WWOX: variants seen among roughly 807,000 people sequenced by gnomAD.
WWOX encodes the protein WW domain-containing oxidoreductase.
Under a neutral mutation model 46.2 loss-of-function variants are expected in WWOX, and 69 were observed. That is an observed-to-expected ratio of 1.49 (90% CI 1.23 to 1.82). The LOEUF (loss-of-function observed/expected upper bound fraction) is 1.82, where lower values mean the gene tolerates loss of function less well. Ranked by LOEUF, WWOX falls within the 40% of genes most tolerant of loss-of-function variation. WWOX has a pLI of 0.00. For synonymous variants in WWOX, 359 were observed against 202.6 expected (o/e 1.77, Z -6.56); for missense variants, 919 against 542.6 (o/e 1.69, Z -6.89).
At chr16:78,539,381 C>T (rs1179086061) in intron 8 of WWOX, among the ~76,000 whole-genome samples, 1 of 152,134 alleles carries the variant, frequency 6.6e-6, no homozygotes, top group South Asian at 2.1e-4. Flanking sequence ...TCATAGGAGC[C>T]ATTGTTGTAG....
chr16:78,317,969 TA>T (rs2080389343), intron 5 of WWOX, among the ~76,000 whole-genome samples: 1 of 152,140 alleles, frequency 6.6e-6, no homozygotes, highest in African/African-American at 2.4e-5. Flanking sequence ...AGCAAAGTGG[TA>T]GTGACTTTTT....
intron 8 of WWOX, among the ~76,000 whole-genome samples, chr16:78,529,732 G>C (rs901791929): frequency 3.3e-5 from 5 of 152,072 alleles, no homozygotes; most frequent in African/African-American, 1.2e-4. Context: ...CTCCCAAAGT[G>C]CTGGGATTAT....
intron 8 of WWOX, among the ~76,000 whole-genome samples, chr16:78,929,876 T>C (rs2045580761): frequency 1.3e-5 from 2 of 152,150 alleles, no homozygotes; most frequent in South Asian, 4.1e-4. Context: ...TTACCCAGTA[T>C]CTAGCCCATC....
chr16:78,624,821 T>G (rs1269997091), intron 8 of WWOX, among the ~76,000 whole-genome samples: 1 of 152,232 alleles, frequency 6.6e-6, no homozygotes, highest in East Asian at 1.9e-4. Context: ...ATTTCTGGCT[T>G]GAATTTGTTT....
rs2047502730 is a variant in WWOX at position 78,672,946 on chromosome 16, C to CA, written c.1056+240196dup. On this transcript the variant is annotated intron_variant, in intron 8 of 8. Coordinates refer to ENST00000566780, the MANE Select transcript of WWOX (RefSeq NM_016373.4). Reference sequence around the variant, plus strand: ...TCGTCTCTCTGGCGGTGACCTTGTGCAATCCATAAGAGGGCAAGGCTGAGA... The same window carrying CA: ...TCGTCTCTCTGGCGGTGACCTTGTGCAAATCCATAAGAGGGCAAGGCTGAGA... Among the ~76,000 whole-genome samples, 3 of 152,336 alleles carry CA rather than the reference C, an allele frequency of 2.0e-5. No individual in the cohort carries two copies. In the South Asian group the frequency reaches 6.2e-4, roughly 32 times the overall value.
intron 8 of WWOX, among the ~76,000 whole-genome samples, chr16:79,190,875 A>G (rs1296678519): frequency 1.3e-5 from 2 of 152,204 alleles, no homozygotes; most frequent in Non-Finnish European, 2.9e-5. Context: ...TTTTGCAGGT[A>G]AATTTGAGGA....
intron 8 of WWOX, among the ~76,000 whole-genome samples, chr16:79,112,562 A>C (rs1228810817): frequency 6.6e-6 from 1 of 152,090 alleles, no homozygotes; most frequent in Admixed American, 6.5e-5. Context: ...GGAGCAAGAC[A>C]CCAGCTTTTC....
rs537797092 is a variant in WWOX, at chr16:78,329,875, T to G, written c.517-56985T>G. The stretch of plus-strand genomic sequence containing the variant: ...GATTCTCCCACCTCAACCTCCCAAG[T>G]AGCTGGGACTACAGGCGTGTACCAC... On this transcript the variant is annotated intron_variant, in intron 5 of 8. Transcript: ENST00000566780. Among the ~76,000 whole-genome samples, 12 of 152,060 alleles carry G rather than the reference T, an allele frequency of 7.9e-5. No individual in the cohort carries two copies. The South Asian group carries it at 2.5e-3, about 32-fold the overall frequency.
intron 8 of WWOX, among the ~76,000 whole-genome samples, chr16:78,761,229 C>G (rs1273519434): frequency 1.3e-5 from 2 of 152,090 alleles, no homozygotes; most frequent in African/African-American, 4.8e-5. Context: ...CTTTTCTGGA[C>G]TAGGTTTGTA....
chr16:79,006,144 A>G (rs969745522), intron 8 of WWOX, among the ~76,000 whole-genome samples: 1 of 152,212 alleles, frequency 6.6e-6, no homozygotes, highest in Admixed American at 6.5e-5. Context: ...AAAGACAATG[A>G]GCGCTGAGAT....
chr16:78,514,132 A>G (rs2085431367), intron 8 of WWOX, among the ~76,000 whole-genome samples: 1 of 152,206 alleles, frequency 6.6e-6, no homozygotes, highest in African/African-American at 2.4e-5. Flanking sequence ...GACTTTCTCT[A>G]TAGAGGCTTC....
At position 79,144,685 on chromosome 16, in the gene WWOX, T is replaced by G. The variant is rs139817872; in HGVS notation, c.1057-66923T>G. On this transcript the variant is annotated intron_variant, in intron 8 of 8. Coordinates refer to ENST00000566780, the MANE Select transcript of WWOX (RefSeq NM_016373.4). ...TTCGTTCATATCTCTCTTAGATTCT[T>G]ATATAAATTTTATTGACCTAATGTT... is the stretch of plus-strand genomic sequence containing the variant. Among the ~76,000 whole-genome samples the G allele has an allele frequency of 2.6e-3, 390 of 152,328 alleles. 2 individuals are homozygous for G. Among genetic ancestry groups the G allele is most frequent in the African/African-American group, 8.9e-3 (368 of 41,568 alleles).
Position 78,191,062 on chromosome 16 carries a change from T to G in WWOX, c.516+26773T>G, listed in dbSNP as rs1362012525. On this transcript the variant is annotated intron_variant, in intron 5 of 8. Coordinates refer to ENST00000566780, the MANE Select transcript of WWOX (RefSeq NM_016373.4). ...TCCCCTTGTTAAGAGAAAATCTACT[T>G]TATGAGCCCTCTTTCCAACCGCAGT... Among the ~76,000 whole-genome samples the G allele has an allele frequency of 2.0e-5, 3 of 152,148 alleles. No individual in the cohort carries two copies. In the East Asian group the frequency reaches 5.8e-4, roughly 29 times the overall value.
chr16:79,041,637 G>C (rs945773963), intron 8 of WWOX, among the ~76,000 whole-genome samples: 1 of 152,104 alleles, frequency 6.6e-6, no homozygotes, highest in African/African-American at 2.4e-5. Flanking sequence ...GTCAGTAGCA[G>C]GCCACCAAGA....
rs181010759 is a variant in WWOX at position 79,047,575 on chromosome 16, C to T, written c.1057-164033C>T. 3.3e-3 allele frequency among the ~76,000 whole-genome samples: 493 copies of T among 150,318 alleles called. 1 individual carries two copies. The highest frequency in any genetic ancestry group is 5.2e-3 in the Non-Finnish European group (355 of 67,706). On this transcript the variant is annotated intron_variant, in intron 8 of 8. Coordinates refer to ENST00000566780, the MANE Select transcript of WWOX (RefSeq NM_016373.4). ...TATCAGTGTCCTGTGGCTGCTGTAA[C>T]AGATTACTACAAATTTTGTGGCATA...
intron 8 of WWOX, chr16:78,996,290 G>C: frequency 1.0e-6 from 1 of 984,626 alleles, no homozygotes; most frequent in Non-Finnish European, 1.2e-6. Flanking sequence ...CTCCCTGGAA[G>C]ATGGATCTTG....
At chr16:78,562,216 A>T (rs1437908497) in intron 8 of WWOX, among the ~76,000 whole-genome samples, 1 of 152,146 alleles carries the variant, frequency 6.6e-6, no homozygotes, top group East Asian at 1.9e-4. Flanking sequence ...GGCACAGGAG[A>T]AGGAAATAAG....
chr16:78,584,530 C>T (rs1479274102), intron 8 of WWOX, among the ~76,000 whole-genome samples: 1 of 152,144 alleles, frequency 6.6e-6, no homozygotes, highest in Non-Finnish European at 1.5e-5. Flanking sequence ...ATAACGGGAG[C>T]CCATTATAAG....
intron 8 of WWOX, chr16:78,892,410 G>A (rs900347836): frequency 2.6e-5 from 4 of 152,216 alleles, no homozygotes; most frequent in Non-Finnish European, 5.9e-5. Flanking sequence ...ACTCTAATGA[G>A]GGAAACATCC....
Sources: allele counts gnomAD v4.1 joint callset (sites outside exome capture counted in the v4.1 genomes callset), GRCh38; gene constraint gnomAD v4.1.1; transcripts MANE v1.5; gene names NCBI Gene and HGNC (gene_info 2026-07-23, HGNC 2026-07-21).